Variants in RELCH observed in about 807,000 individuals in gnomAD.
RELCH encodes the protein RAB11-binding protein RELCH.
A neutral mutation model predicts 150.3 loss-of-function variants in RELCH; 41 were observed. The observed-to-expected ratio is 0.27, with a 90% CI of 0.21 to 0.35. RELCH has a LOEUF of 0.35. Ranked by LOEUF, RELCH falls within the 10% of genes least tolerant of loss-of-function variation. The probability of loss-of-function intolerance (pLI) is 1.00; values close to 1 mark genes in which losing one functional copy is unlikely to be tolerated. For missense variants in RELCH, 1,092 were observed against 1,467.8 expected (o/e 0.74, Z 4.18); for synonymous variants, 478 against 531.8 (o/e 0.90, Z 1.39).
chr18:62,238,290 A>G (rs1337465884), intron 10 of RELCH, among the ~76,000 whole-genome samples: 5 of 151,776 alleles, frequency 3.3e-5, no homozygotes, highest in Non-Finnish European at 7.4e-5. Context: ...TTGCCTGTTC[A>G]TTTTGGGAGA....
chr18:62,203,671 AAT>A (rs1745935027), intron 1 of RELCH, among the ~76,000 whole-genome samples: 1 of 152,166 alleles, frequency 6.6e-6, no homozygotes, highest in African/African-American at 2.4e-5. Flanking sequence ...TAGCCTTAAT[AAT>A]ATTGCAATTT....
Position 62,187,457 on chromosome 18 carries a change from G to A in RELCH, c.-49G>A. 2 of 1,484,232 alleles carry A rather than the reference G, an allele frequency of 1.3e-6. No homozygotes were observed. The highest frequency in any genetic ancestry group is 1.8e-6 in the Non-Finnish European group (2 of 1,117,424). 91.9% of individuals were successfully genotyped at this position (1,484,232 alleles called of 1,614,324 possible). ...CTGAGGCCTAGAGGATTCGGGCTGC[G>A]GCCCGTCGGAACCAGTCAGGGAGGC... On this transcript the variant is annotated 5_prime_UTR_variant, in exon 1 of 29. Coordinates refer to ENST00000644646, the MANE Select transcript of RELCH (RefSeq NM_001346231.2).
chr18:62,263,893 T>C (rs1555741645), intron 16 of RELCH, 96 bp from the exon 17 acceptor site: 2 of 816,122 alleles, frequency 2.5e-6, no homozygotes, highest in Non-Finnish European at 3.8e-6. Context: ...AGTAATTAAA[T>C]ATGAGGAGAA....
At chr18:62,213,492 G>A (rs1320744949) in intron 2 of RELCH, among the ~76,000 whole-genome samples, 3 of 152,106 alleles carry the variant, frequency 2.0e-5, no homozygotes, top group Admixed American at 6.6e-5. Flanking sequence ...GCACTTGGGA[G>A]GCAGAGGCGG....
chr18:62,280,410 G>A (rs752608087), intron 23 of RELCH: 9 of 1,613,894 alleles, frequency 5.6e-6, no homozygotes, highest in East Asian at 2.2e-5. Flanking sequence ...GGGTTGCTCC[G>A]GCCCTTGTTA....
intron 1 of RELCH, among the ~76,000 whole-genome samples, chr18:62,200,773 C>T (rs942392580): frequency 1.5e-4 from 23 of 151,572 alleles, no homozygotes; most frequent in Admixed American, 1.2e-3. Context: ...TTTACTCTGA[C>T]GTTTATAAAT....
chr18:62,258,757 A>G (rs1234590341), intron 15 of RELCH, 81 bp downstream of exon 15: 2 of 941,730 alleles, frequency 2.1e-6, no homozygotes, highest in African/African-American at 3.5e-5. Context: ...GTTAGAGAAC[A>G]GAGACAGAAA....
intron 20 of RELCH, among the ~76,000 whole-genome samples, chr18:62,270,433 G>A (rs2043829703): frequency 6.6e-6 from 1 of 152,138 alleles, no homozygotes; most frequent in African/African-American, 2.4e-5. Context: ...GTGTCTCAAA[G>A]CATAGTAGTA....
At chr18:62,207,192 ACTTT>A (rs1052691505) in intron 1 of RELCH, among the ~76,000 whole-genome samples, 2 of 152,170 alleles carry the variant, frequency 1.3e-5, no homozygotes, top group Non-Finnish European at 2.9e-5. Flanking sequence ...ATAGAGACAG[ACTTT>A]CTATCACTAT....
intron 5 of RELCH, among the ~76,000 whole-genome samples, chr18:62,222,321 C>T (rs964369274): frequency 2.6e-4 from 39 of 151,898 alleles, no homozygotes; most frequent in Non-Finnish European, 1.2e-4. Context: ...TGTCACTGAA[C>T]ATGTGCTATG....
At chr18:62,245,672 T>C (rs1469588034) in intron 11 of RELCH, 9 of 151,966 alleles carry the variant, frequency 5.9e-5, no homozygotes, top group Admixed American at 5.2e-4. Context: ...TACACAGATA[T>C]AGGTACTGAA....
At position 62,308,758 on chromosome 18, in the gene RELCH, A is replaced by G. The variant is rs2045941812; in HGVS notation, c.*3224A>G. 1 of 152,178 alleles carries G rather than the reference A, an allele frequency of 6.6e-6. No individual in the cohort carries two copies. The highest frequency in any genetic ancestry group is 6.5e-5 in the Admixed American group (1 of 15,274). 9.4% of individuals were successfully genotyped at this position (152,178 alleles called of 1,614,324 possible). ...GCTTTGTAAGTAGCAATTCTAATTC[A>G]TAATTCATGAAATACTCCAGATTAG... On this transcript the variant is annotated 3_prime_UTR_variant, in exon 29 of 29. Transcript: ENST00000644646.
intron 2 of RELCH, among the ~76,000 whole-genome samples, chr18:62,211,565 C>T (rs2040172394): frequency 6.6e-6 from 1 of 152,044 alleles, no homozygotes; most frequent in African/African-American, 2.4e-5. Flanking sequence ...TCCTTTGATC[C>T]TCCAAACCAG....
At chr18:62,225,061 G>A (rs1049433896) in intron 5 of RELCH, among the ~76,000 whole-genome samples, 1 of 152,038 alleles carries the variant, frequency 6.6e-6, no homozygotes, top group African/African-American at 2.4e-5. Flanking sequence ...CTTCCACATA[G>A]ATGATCTGTT....
Position 62,200,964 on chromosome 18 carries a change from CTTTTTTT to C in RELCH, c.527-10168_527-10162del, listed in dbSNP as rs543882947. 2.5e-4 allele frequency among the ~76,000 whole-genome samples: 14 copies of C among 55,000 alleles called. No individual in the cohort carries two copies. In the East Asian group the frequency reaches 3.4e-3, roughly 13 times the overall value. 36.1% of individuals were successfully genotyped at this position (55,000 alleles called of 152,430 possible). On this transcript the variant is annotated intron_variant, in intron 1 of 28. Transcript: ENST00000644646. ...TAAGTGAATAACTGTTTTTTCTTTG[CTTTTTTT>C]TTTTTTTTTTTTTTTTTTTTGAGAC...
rs533438989 is a variant in RELCH, at chr18:62,266,883, T to C, written c.2680+134T>C. On this transcript the variant is annotated intron_variant, in intron 19 of 28. Coordinates refer to ENST00000644646, the MANE Select transcript of RELCH (RefSeq NM_001346231.2). ...GAAAAGGAAAACTTATATTATGGAG[T>C]TCTTGGTTTTATAACTGTGTCACAT... The C allele has an allele frequency of 4.0e-5, 23 of 572,416 alleles. No homozygotes were observed. The African/African-American group carries it at 4.4e-4, about 11-fold the overall frequency. 35.5% of individuals were successfully genotyped at this position (572,416 alleles called of 1,614,324 possible).
At chr18:62,219,315 TTC>T (rs1192959742) in intron 2 of RELCH, among the ~76,000 whole-genome samples, 11 of 111,034 alleles carry the variant, frequency 9.9e-5, no homozygotes, top group Middle Eastern at 4.0e-3. Context: ...CAGTTTTTTT[TTC>T]TTTTTTTCTT....
chr18:62,258,196 G>A, intron 14 of RELCH, 108 bp downstream of exon 14: 1 of 1,078,726 alleles, frequency 9.3e-7, no homozygotes, highest in Non-Finnish European at 1.3e-6. Context: ...AGGATGGCAG[G>A]TATGTCAACT....
In RELCH at chr18:62,228,561, T is replaced by C; in HGVS notation, c.1411T>C (p.Ser471Pro). 6.2e-7 allele frequency: 1 copy of C among 1,612,374 alleles called. No individual in the cohort carries two copies. Among genetic ancestry groups the C allele is most frequent in the Non-Finnish European group, 8.5e-7 (1 of 1,179,188 alleles). Residue 471 changes from serine to proline, a missense_variant, in exon 8 of 29, where the codon TCA becomes CCA. Ser to Pro is a moderately conservative substitution (Grantham distance 74). Around this residue, in one of 4 missense-constraint regions of RELCH, gnomAD observed 707 missense variants for 1,025.4 expected, o/e 0.69. Coordinates refer to ENST00000644646, the MANE Select transcript of RELCH (RefSeq NM_001346231.2). ...AGAAGGAATGCCACCTTCTTCTCTA[T>C]CAAGTAAAAAGACAGTTCATTTTGA... ...EREGMPPSSL[S>P]SKKTVHFDKP...
Sources: allele counts gnomAD v4.1 joint callset (sites outside exome capture counted in the v4.1 genomes callset), GRCh38; gene constraint gnomAD v4.1.1; regional missense constraint gnomAD v4.1.1; transcripts MANE v1.5; gene names NCBI Gene and HGNC (gene_info 2026-07-23, HGNC 2026-07-21).